KCND2: variants seen among roughly 807,000 people sequenced by gnomAD.
KCND2 encodes potassium voltage-gated channel subfamily D member 2, also known as A-type voltage-gated potassium channel KCND2.
A neutral mutation model predicts 54.4 loss-of-function variants in KCND2; 16 were observed. The ratio of observed to expected loss-of-function variants is 0.29; its 90% CI spans 0.20 to 0.45. KCND2 has a LOEUF of 0.45. Ranked by LOEUF, KCND2 falls within the 20% of genes least tolerant of loss-of-function variation. KCND2 has a pLI of 1.00. For synonymous variants in KCND2, 317 were observed against 310.7 expected (o/e 1.02, Z -0.21); for missense variants, 486 against 824.2 (o/e 0.59, Z 5.02).
chr7:120,738,307 A>G (rs796276178), intron 2 of KCND2, among the ~76,000 whole-genome samples: 3 of 151,982 alleles, frequency 2.0e-5, no homozygotes, highest in Non-Finnish European at 4.4e-5. Context: ...AGAACCAGTC[A>G]TTTGCTTCAT....
chr7:120,510,095 C>T (rs571620533), intron 1 of KCND2, among the ~76,000 whole-genome samples: 17 of 152,078 alleles, frequency 1.1e-4, no homozygotes, highest in Non-Finnish European at 1.9e-4. Context: ...GTACATGCTT[C>T]GCTAGCGCTA....
intron 1 of KCND2, among the ~76,000 whole-genome samples, chr7:120,618,905 T>C (rs545013678): frequency 1.3e-5 from 2 of 152,298 alleles, no homozygotes; most frequent in Non-Finnish European, 2.9e-5. Context: ...TTTGAACTCC[T>C]GGGCTCAAAC....
chr7:120,320,238 C>T (rs866655739), intron 1 of KCND2, among the ~76,000 whole-genome samples: 1 of 151,990 alleles, frequency 6.6e-6, no homozygotes, highest in Admixed American at 6.6e-5. Context: ...TATAGAAGTA[C>T]AGGGGTGTTA....
chr7:120,414,139 A>G (rs1237244664), intron 1 of KCND2, among the ~76,000 whole-genome samples: 2 of 151,894 alleles, frequency 1.3e-5, no homozygotes, highest in African/African-American at 2.4e-5. Context: ...TGCTTTTTTC[A>G]TTTTGAGAAT....
chr7:120,398,191 A>T (rs1479851611), intron 1 of KCND2, among the ~76,000 whole-genome samples: 4 of 151,096 alleles, frequency 2.6e-5, no homozygotes, highest in Non-Finnish European at 5.9e-5. Flanking sequence ...ATATATATAT[A>T]TTTAACAGTA....
intron 1 of KCND2, among the ~76,000 whole-genome samples, chr7:120,601,041 C>T (rs1030622208): frequency 1.4e-4 from 21 of 152,142 alleles, no homozygotes; most frequent in Non-Finnish European, 2.8e-4. Flanking sequence ...GTTTTAATAA[C>T]AGTTAATAAT....
At chr7:120,734,362 A>G (rs763318532) in intron 2 of KCND2, among the ~76,000 whole-genome samples, 2 of 152,228 alleles carry the variant, frequency 1.3e-5, no homozygotes, top group Non-Finnish European at 2.9e-5. Flanking sequence ...GAGTCAACAC[A>G]TACAACCTTC....
intron 1 of KCND2, among the ~76,000 whole-genome samples, chr7:120,304,411 G>A (rs865889999): frequency 2.0e-5 from 3 of 152,066 alleles, no homozygotes; most frequent in Non-Finnish European, 4.4e-5. Flanking sequence ...ATTTTTCTTG[G>A]TGAGACTGCA....
intron 1 of KCND2, among the ~76,000 whole-genome samples, chr7:120,405,286 CCA>C: frequency 6.6e-6 from 1 of 152,224 alleles, no homozygotes; most frequent in Admixed American, 6.6e-5. Context: ...CTAGTTCAAG[CCA>C]ACTTTACAAA....
At chr7:120,465,287 G>A (rs1387365698) in intron 1 of KCND2, among the ~76,000 whole-genome samples, 5 of 151,920 alleles carry the variant, frequency 3.3e-5, no homozygotes, top group African/African-American at 7.3e-5. Flanking sequence ...TCTATGTAGC[G>A]AAGAGCTAAT....
At chr7:120,733,478 T>C (rs1292589228) in intron 2 of KCND2, among the ~76,000 whole-genome samples, 1 of 152,134 alleles carries the variant, frequency 6.6e-6, no homozygotes, top group Non-Finnish European at 1.5e-5. Flanking sequence ...ACAATTCTAC[T>C]GTGGGGCCAG....
At chr7:120,559,861 A>C (rs1052866532) in intron 1 of KCND2, among the ~76,000 whole-genome samples, 37 of 152,190 alleles carry the variant, frequency 2.4e-4, no homozygotes, top group African/African-American at 8.9e-4. Context: ...AGAGAAAATT[A>C]AGCAAGGCCT....
chr7:120,470,918 T>G (rs1448490561), intron 1 of KCND2, among the ~76,000 whole-genome samples: 3 of 152,068 alleles, frequency 2.0e-5, no homozygotes, highest in Non-Finnish European at 4.4e-5. Flanking sequence ...AGTTGCTAAG[T>G]TGTCATAGAG....
In KCND2 at chr7:120,342,564, A is replaced by G. The variant is rs533613016; in HGVS notation, c.1115+66817A>G. Among the ~76,000 whole-genome samples, 5 of 152,290 alleles carry G rather than the reference A, an allele frequency of 3.3e-5. No individual in the cohort carries two copies. In the South Asian group the frequency reaches 1.0e-3, roughly 32 times the overall value. On this transcript the variant is annotated intron_variant, in intron 1 of 5. Coordinates refer to ENST00000331113, the MANE Select transcript of KCND2 (RefSeq NM_012281.3). ...TTTTCAATTTCTGGCTTTGTATTGT[A>G]TATTACAACATGTATAAGGTACAAC...
chr7:120,453,640 G>T (rs1286825004), intron 1 of KCND2, among the ~76,000 whole-genome samples: 1 of 152,142 alleles, frequency 6.6e-6, no homozygotes, highest in African/African-American at 2.4e-5. Context: ...CAATTACATT[G>T]AAATTAGCCT....
chr7:120,298,125 C>T (rs994739774), intron 1 of KCND2, among the ~76,000 whole-genome samples: 6 of 152,248 alleles, frequency 3.9e-5, no homozygotes, highest in East Asian at 1.9e-4. Context: ...CTTGTTACTA[C>T]ATCTTAACAG....
intron 1 of KCND2, among the ~76,000 whole-genome samples, chr7:120,681,719 T>C (rs1792142045): frequency 6.6e-6 from 1 of 152,086 alleles, no homozygotes; most frequent in Admixed American, 6.6e-5. Flanking sequence ...TTGTTGAATA[T>C]CAAGAATCCT....
chr7:120,413,973 A>G (rs554981946), intron 1 of KCND2, among the ~76,000 whole-genome samples: 2 of 151,050 alleles, frequency 1.3e-5, no homozygotes, highest in South Asian at 4.2e-4. Context: ...CAGAACATGT[A>G]CAATAAGTTA....
intron 1 of KCND2, among the ~76,000 whole-genome samples, chr7:120,420,144 T>C (rs1801591369): frequency 6.6e-6 from 1 of 152,142 alleles, no homozygotes; most frequent in South Asian, 2.1e-4. Context: ...TTATGAGTAC[T>C]ACATGTGATT....
Sources: gnomAD v4.1 joint callset for allele counts (sites outside exome capture counted in the v4.1 genomes callset) on GRCh38, gnomAD v4.1.1 for gene constraint, MANE v1.5 for transcripts, NCBI Gene and HGNC (gene_info 2026-07-23, HGNC 2026-07-21) for gene names.